ULK2: variants seen among roughly 807,000 people sequenced by gnomAD.
ULK2 encodes the protein unc-51 like autophagy activating kinase 2, also known as serine/threonine-protein kinase ULK2.
A neutral mutation model predicts 127.5 loss-of-function variants in ULK2; 76 were observed. The observed-to-expected ratio is 0.60, with a 90% confidence interval of 0.50 to 0.72. ULK2 has a LOEUF of 0.72. Ranked by LOEUF, ULK2 falls within the 30% of genes least tolerant of loss-of-function variation. The pLI, the probability that ULK2 is intolerant of heterozygous loss-of-function variation, is 0.00. For missense variants in ULK2, 1,144 were observed against 1,295.9 expected, an observed-to-expected ratio of 0.88 and a Z score of 1.80; for synonymous variants, 452 against 461.9, an observed-to-expected ratio of 0.98 and a Z score of 0.28.
At position 19,788,559 on chromosome 17, in the gene ULK2, T is replaced by C. The variant is rs188840624; in HGVS notation, c.2102-2473A>G. Among the ~76,000 whole-genome samples, 535 of 151,638 alleles carry C rather than the reference T, an allele frequency of 3.5e-3. 3 individuals carry two copies. The highest frequency in any genetic ancestry group is 0.012 in the African/African-American group (516 of 41,368). ...GAGTCCTCGGGCCCTGAATAACCAA[T>C]AATACTACCCAGGGAGCATGCTTGG... On this transcript the variant is annotated intron_variant, in intron 20 of 26. Coordinates refer to ENST00000395544, the MANE Select transcript of ULK2 (RefSeq NM_014683.4).
rs2042377794 is a variant in ULK2 at position 19,867,434 on chromosome 17, C to T, written c.-17G>A. ...CACCTCCATGGCCGCGCCCCCGGGG[C>T]ACACAGCGGACGGGCGGGCGGCGCA... On this transcript the variant is annotated 5_prime_UTR_variant, in exon 1 of 27. Coordinates refer to ENST00000395544, the MANE Select transcript of ULK2 (RefSeq NM_014683.4). The T allele has an allele frequency of 1.3e-6, 2 of 1,584,298 alleles. No individual in the cohort carries two copies. Among genetic ancestry groups the T allele is most frequent in the African/African-American group, 1.4e-5 (1 of 71,236 alleles).
chr17:19,826,515 A>G (rs1240267316), intron 10 of ULK2, among the ~76,000 whole-genome samples: 1 of 152,218 alleles, frequency 6.6e-6, no homozygotes, highest in African/African-American at 2.4e-5. Flanking sequence ...ACAGCCCCAC[A>G]GGAGAACTGT....
In ULK2 at chr17:19,843,204, A is replaced by C; in HGVS notation, c.562T>G (p.Ser188Ala). 6.3e-7 allele frequency: 1 copy of C among 1,583,506 alleles called. No homozygotes were observed. Among genetic ancestry groups the C allele is most frequent in the Non-Finnish European group, 8.5e-7 (1 of 1,171,190 alleles). Residue 188 changes from serine to alanine, a missense_variant, in exon 8 of 27, where the codon TCT (serine) becomes GCT (alanine). Around this residue, in one of 2 missense-constraint regions of ULK2, gnomAD observed 231 missense variants for 325.4 expected, o/e 0.71. Coordinates refer to ENST00000395544, the MANE Select transcript of ULK2 (RefSeq NM_014683.4). ...TCAGCCTTAGCATCATAATGTTGAG[A>C]CATAATAACCTCAGGAGCCTGGGAA... The part of the protein sequence containing the change: ...PMYMAPEVIM[S>A]QHYDAKADLW...
chr17:19,837,874 C>A (rs1375217638), intron 10 of ULK2, among the ~76,000 whole-genome samples: 4 of 152,202 alleles, frequency 2.6e-5, no homozygotes, highest in African/African-American at 7.2e-5. Flanking sequence ...AGTCTATTCT[C>A]AAGCAGCAGC....
chr17:19,859,201 A>C (rs2042192169), intron 3 of ULK2, among the ~76,000 whole-genome samples: 1 of 152,122 alleles, frequency 6.6e-6, no homozygotes, highest in Non-Finnish European at 1.5e-5. Context: ...TTTTTTAAAA[A>C]GGTCACTACT....
intron 22 of ULK2, 123 bp downstream of exon 22, chr17:19,783,574 A>G: frequency 9.8e-7 from 1 of 1,021,656 alleles, no homozygotes; most frequent in Non-Finnish European, 1.3e-6. Flanking sequence ...CTTTTCAAAC[A>G]GAAAAGGCAC....
chr17:19,817,538 T>C (rs2041021832), intron 12 of ULK2, among the ~76,000 whole-genome samples: 2 of 152,186 alleles, frequency 1.3e-5, no homozygotes, highest in Non-Finnish European at 2.9e-5. Context: ...TAGTAGGAGA[T>C]AGGATAGGAA....
At chr17:19,829,969 T>C (rs919112829) in intron 10 of ULK2, among the ~76,000 whole-genome samples, 9 of 151,890 alleles carry the variant, frequency 5.9e-5, no homozygotes, top group African/African-American at 9.7e-5. Flanking sequence ...AGAAAGAGAT[T>C]TGTACAATAA....
chr17:19,829,228 T>G (rs2041370047), intron 10 of ULK2, among the ~76,000 whole-genome samples: 1 of 152,052 alleles, frequency 6.6e-6, no homozygotes, highest in African/African-American at 2.4e-5. Context: ...AAAACTGTTA[T>G]AAAAGACAAA....
intron 20 of ULK2, among the ~76,000 whole-genome samples, chr17:19,791,320 C>T (rs1184535082): frequency 6.6e-6 from 1 of 152,164 alleles, no homozygotes; most frequent in Admixed American, 6.6e-5. Flanking sequence ...GAGGCTGAGG[C>T]GGGCAGATCA....
rs185254684 is a variant in ULK2 at position 19,866,551 on chromosome 17, T to A, written c.91-723A>T. On this transcript the variant is annotated intron_variant, in intron 1 of 26. Transcript: ENST00000395544. ...AAATAAGAAAAGTAGCATTACTTCATCCGATAAGCAACAAAGTCAGCCCAC... is the reference window on the plus strand; with the variant it reads ...AAATAAGAAAAGTAGCATTACTTCAACCGATAAGCAACAAAGTCAGCCCAC... Among the ~76,000 whole-genome samples, 3 of 152,200 alleles carry A rather than the reference T, an allele frequency of 2.0e-5. No individual in the cohort carries two copies. The East Asian group carries it at 5.8e-4, about 29-fold the overall frequency.
chr17:19,840,534 T>C, intron 9 of ULK2: 1 of 384,552 alleles, frequency 2.6e-6, no homozygotes, highest in South Asian at 2.5e-5. Flanking sequence ...ATGATGACTA[T>C]ATGTACTCCT....
At chr17:19,784,998 A>G (rs982627245) in intron 21 of ULK2, among the ~76,000 whole-genome samples, 16 of 152,182 alleles carry the variant, frequency 1.1e-4, no homozygotes, top group African/African-American at 3.6e-4. Flanking sequence ...TCTCTTGATC[A>G]GCAACTTATT....
At chr17:19,856,229 C>G (rs1449081824) in intron 3 of ULK2, 2 of 152,088 alleles carry the variant, frequency 1.3e-5, no homozygotes, top group Non-Finnish European at 2.9e-5. Context: ...CTGACTCTTC[C>G]CAAAATTCAC....
chr17:19,786,139 G>T, intron 20 of ULK2, 53 bp from the exon 21 acceptor site: 1 of 1,510,642 alleles, frequency 6.6e-7, no homozygotes, highest in South Asian at 1.3e-5. Flanking sequence ...GTTTATATCT[G>T]GGAGATGGGA....
chr17:19,848,194 T>A (rs1242436416), intron 5 of ULK2: 3 of 152,216 alleles, frequency 2.0e-5, no homozygotes, highest in African/African-American at 7.2e-5. Flanking sequence ...CATATTTCAA[T>A]GTAGCAGGTA....
At chr17:19,849,900 T>C (rs2041975302) in intron 3 of ULK2, 126 bp from the exon 4 acceptor site, 1 of 577,104 alleles carries the variant, frequency 1.7e-6, no homozygotes, top group Admixed American at 3.7e-5. Flanking sequence ...CAAAATCTAT[T>C]AGAAAGTGAA....
Position 19,849,734 on chromosome 17 carries a change from C to T in ULK2, c.258+8G>A. Reference sequence around the variant, plus strand: ...AATAAATTAAACAGAAGTTTGTATACTACCTACCTCCATCACCAAAAAGAC... The same window carrying T: ...AATAAATTAAACAGAAGTTTGTATATTACCTACCTCCATCACCAAAAAGAC... On this transcript the variant is annotated splice_region_variant and intron_variant, in intron 4 of 26. Coordinates refer to ENST00000395544, the MANE Select transcript of ULK2 (RefSeq NM_014683.4). The T allele has an allele frequency of 6.8e-7, 1 of 1,468,564 alleles. No individual in the cohort carries two copies. Among genetic ancestry groups the T allele is most frequent in the South Asian group, 1.3e-5 (1 of 76,896 alleles). 91.0% of individuals were successfully genotyped at this position (1,468,564 alleles called of 1,614,324 possible).
intron 20 of ULK2, among the ~76,000 whole-genome samples, chr17:19,790,371 C>T (rs962901578): frequency 6.6e-6 from 1 of 152,108 alleles, no homozygotes; most frequent in Non-Finnish European, 1.5e-5. Flanking sequence ...GAGCCAAGAT[C>T]GTGCCCTTGC....
Sources: allele counts gnomAD v4.1 joint callset (sites outside exome capture counted in the v4.1 genomes callset), GRCh38; gene constraint gnomAD v4.1.1; regional missense constraint gnomAD v4.1.1; transcripts MANE v1.5; gene names NCBI Gene and HGNC (gene_info 2026-07-23, HGNC 2026-07-21).